HIVEP1: variants seen among roughly 807,000 people sequenced by gnomAD.
HIVEP1 encodes the protein zinc finger protein 40.
A neutral mutation model predicts 180.0 loss-of-function variants in HIVEP1; 36 were observed. That is an observed-to-expected ratio of 0.20 (90% CI 0.15 to 0.26). The LOEUF (loss-of-function observed/expected upper bound fraction) is 0.26, where lower values mean the gene tolerates loss of function less well. HIVEP1 is among the 10% of genes least tolerant of loss of function. HIVEP1 has a pLI of 1.00. For synonymous variants in HIVEP1, 1,239 were observed against 1,239.0 expected (o/e 1.00, Z 0.00); for missense variants, 3,143 against 3,268.7 (o/e 0.96, Z 0.94).
At chr6:12,188,470 G>T in the HIVEP1 span, among the ~76,000 whole-genome samples, 1 of 152,072 alleles carries the variant, frequency 6.6e-6, no homozygotes, top group African/African-American at 2.4e-5. Context: ...AGGAAAGGAA[G>T]AAGCAACTAT....
At position 12,123,910 on chromosome 6, in the gene HIVEP1, A is replaced by C. The variant is rs369501102; in HGVS notation, c.4115A>C (p.Asn1372Thr). The C allele has an allele frequency of 6.2e-7, 1 of 1,614,074 alleles. No homozygotes were observed. The highest frequency in any genetic ancestry group is 8.5e-7 in the Non-Finnish European group (1 of 1,180,024). The change falls in exon 4 of 9, where the codon AAT becomes ACT. Residue 1372 changes from asparagine (N) to threonine (T), a missense_variant. Asn to Thr is a moderately conservative substitution (Grantham distance 65). Around this residue, in one of 12 missense-constraint regions of HIVEP1, gnomAD observed 1,357 missense variants for 1,260.5 expected, o/e 1.08. Coordinates refer to ENST00000379388, the MANE Select transcript of HIVEP1 (RefSeq NM_002114.4). ...EMRRTASEQINCTQTSMEVSD... is the reference protein window; with the variant it reads ...EMRRTASEQITCTQTSMEVSD... ...AGGCGTACTGCATCAGAACAGATTA[A>C]TTGCACGCAAACGTCAATGGAGGTC...
At chr6:12,026,047 A>AG (rs1768565390) in intron 2 of HIVEP1, among the ~76,000 whole-genome samples, 2 of 152,108 alleles carry the variant, frequency 1.3e-5, no homozygotes, top group Admixed American at 1.3e-4. Flanking sequence ...TATCAAAAAA[A>AG]AAAAAAAGAA....
At chr6:12,036,124 C>T (rs1769261976) in intron 2 of HIVEP1, among the ~76,000 whole-genome samples, 1 of 152,194 alleles carries the variant, frequency 6.6e-6, no homozygotes, top group Admixed American at 6.5e-5. Context: ...TTGCTGATGA[C>T]ATAGTAGAGC....
chr6:12,013,968 T>G (rs918445481), intron 1 of HIVEP1, among the ~76,000 whole-genome samples: 3 of 152,206 alleles, frequency 2.0e-5, no homozygotes, highest in Non-Finnish European at 4.4e-5. Context: ...AAACCATAAA[T>G]TTCTAAAACC....
intron 2 of HIVEP1, 73 bp from the exon 3 acceptor site, chr6:12,089,111 A>G: frequency 1.3e-6 from 1 of 769,960 alleles, no homozygotes; most frequent in Admixed American, 2.3e-5. Flanking sequence ...GTTTAAAAGT[A>G]GTATGTTTGC....
At chr6:12,148,780 G>A (rs1759519564) in intron 7 of HIVEP1, among the ~76,000 whole-genome samples, 1 of 152,138 alleles carries the variant, frequency 6.6e-6, no homozygotes, top group Admixed American at 6.5e-5. Flanking sequence ...TGGCTTTTCA[G>A]ACACCTTTCA....
chr6:12,067,623 T>G (rs1168281179), intron 2 of HIVEP1, among the ~76,000 whole-genome samples: 2 of 152,154 alleles, frequency 1.3e-5, no homozygotes, highest in Non-Finnish European at 2.9e-5. Flanking sequence ...AAGCTGGAGA[T>G]TATTGGGTGC....
chr6:12,125,661 C>T lies in HIVEP1; in HGVS notation c.5866C>T (p.Pro1956Ser). The change falls in exon 4 of 9, where the codon CCT (proline) becomes TCT (serine). Residue 1956 changes from proline to serine, a missense_variant. By Grantham distance (74) the Pro-to-Ser change is moderately conservative. Transcript: ENST00000379388. ...CTTAAGGCAGAAGTCGTTGCATTTG[C>T]CTCAGAAGGACCAGAAAACTTCAGC... is the stretch of plus-strand genomic sequence containing the variant. ...YLLRQKSLHL[P>S]QKDQKTSAYT... The T allele has an allele frequency of 6.2e-7, 1 of 1,614,178 alleles. No homozygotes were observed. The highest frequency in any genetic ancestry group is 1.1e-5 in the South Asian group (1 of 91,086).
chr6:12,073,577 G>C (rs1772131620), intron 2 of HIVEP1, among the ~76,000 whole-genome samples: 3 of 152,098 alleles, frequency 2.0e-5, no homozygotes, highest in African/African-American at 7.2e-5. Flanking sequence ...TTTAAATGTG[G>C]CCTCACCTCC....
intron 7 of HIVEP1, among the ~76,000 whole-genome samples, chr6:12,148,072 AATTTT>A (rs1250731770): frequency 6.6e-6 from 1 of 152,230 alleles, no homozygotes; most frequent in Non-Finnish European, 1.5e-5. Context: ...TTTTACTAAC[AATTTT>A]ATTTTCCAAA....
At chr6:12,189,634 A>G in the HIVEP1 span, among the ~76,000 whole-genome samples, 1 of 152,190 alleles carries the variant, frequency 6.6e-6, no homozygotes, top group Admixed American at 6.5e-5. Flanking sequence ...TATTTGAAGG[A>G]CTATATTGAG....
intron 3 of HIVEP1, among the ~76,000 whole-genome samples, chr6:12,102,067 A>G (rs1774144524): frequency 6.6e-6 from 1 of 152,194 alleles, no homozygotes; most frequent in African/African-American, 2.4e-5. Flanking sequence ...ATAAACATGT[A>G]TCCACCTGAT....
intron 6 of HIVEP1, among the ~76,000 whole-genome samples, chr6:12,132,555 C>T (rs1394717611): frequency 6.6e-6 from 1 of 152,208 alleles, no homozygotes; most frequent in East Asian, 1.9e-4. Flanking sequence ...TATGATGAGT[C>T]ACAAATATTA....
At chr6:12,062,462 A>T (rs1224494184) in intron 2 of HIVEP1, among the ~76,000 whole-genome samples, 1 of 152,152 alleles carries the variant, frequency 6.6e-6, no homozygotes, top group Non-Finnish European at 1.5e-5. Context: ...TATTTTTCTT[A>T]ATTTTTAAAT....
the HIVEP1 span, among the ~76,000 whole-genome samples, chr6:12,177,394 G>A: frequency 4.6e-5 from 7 of 152,168 alleles, no homozygotes; most frequent in African/African-American, 1.7e-4. Flanking sequence ...GACTGTGCTT[G>A]GGATTTTATT....
chr6:12,131,153 AATAAAT>A (rs1163801115), intron 6 of HIVEP1, among the ~76,000 whole-genome samples: 1 of 151,662 alleles, frequency 6.6e-6, no homozygotes, highest in Non-Finnish European at 1.5e-5. Context: ...ATAAATATAT[AATAAAT>A]ATAATATTTT....
chr6:12,168,335 TTATA>T (rs1366010297), downstream of HIVEP1, among the ~76,000 whole-genome samples: 23 of 36,484 alleles, frequency 6.3e-4, no homozygotes, highest in Admixed American at 1.1e-3. Flanking sequence ...TATTATATAA[TTATA>T]TATACATGTA....
intron 6 of HIVEP1, among the ~76,000 whole-genome samples, chr6:12,132,051 A>G (rs760247991): frequency 1.3e-5 from 2 of 152,160 alleles, no homozygotes; most frequent in Non-Finnish European, 2.9e-5. Flanking sequence ...GAAAAACAAA[A>G]TATTCTTCAT....
the HIVEP1 span, among the ~76,000 whole-genome samples, chr6:12,179,280 A>T: frequency 6.6e-6 from 1 of 152,162 alleles, no homozygotes; most frequent in African/African-American, 2.4e-5. Flanking sequence ...GAGGAAGGTG[A>T]TAATGGAGCA....
Sources: gnomAD v4.1 joint callset for allele counts (sites outside exome capture counted in the v4.1 genomes callset) on GRCh38, gnomAD v4.1.1 for gene constraint, gnomAD v4.1.1 regional missense constraint, MANE v1.5 for transcripts, NCBI Gene and HGNC (gene_info 2026-07-23, HGNC 2026-07-21) for gene names.